Variants in ARHGEF37 observed in about 807,000 individuals in gnomAD.
ARHGEF37 encodes the protein Rho guanine nucleotide exchange factor 37.
In ARHGEF37, 55 loss-of-function variants were observed where a neutral mutation model predicts 71.1. The ratio of observed to expected loss-of-function variants is 0.77; its 90% CI spans 0.62 to 0.97. The LOEUF (loss-of-function observed/expected upper bound fraction) is 0.97. Among genes scored for constraint, ARHGEF37 ranks in the 50% least tolerant of loss-of-function variants. The pLI, the probability that ARHGEF37 is intolerant of heterozygous loss-of-function variation, is 0.00. For synonymous variants in ARHGEF37, 327 were observed against 350.6 expected, an observed-to-expected ratio of 0.93 and a Z score of 0.75; for missense variants, 765 against 836.8, an observed-to-expected ratio of 0.91 and a Z score of 1.06.
intron 1 of ARHGEF37, among the ~76,000 whole-genome samples, chr5:149,570,561 T>C (rs1762950923): frequency 1.6e-5 from 2 of 124,036 alleles, no homozygotes; most frequent in Non-Finnish European, 1.7e-5. Flanking sequence ...GGACAACAAG[T>C]GCGAAACTCC....
chr5:149,606,903 C>CTTTATT (rs1763928578), intron 3 of ARHGEF37, among the ~76,000 whole-genome samples: 1 of 152,040 alleles, frequency 6.6e-6, no homozygotes, highest in African/African-American at 2.4e-5. Context: ...ATTTCCTCTA[C>CTTTATT]TTTATTTTTA....
intron 5 of ARHGEF37, 37 bp from the exon 6 acceptor site, chr5:149,618,139 T>C: frequency 6.2e-7 from 1 of 1,612,082 alleles, no homozygotes; most frequent in Non-Finnish European, 8.5e-7. Context: ...CTGAGTTGGC[T>C]TGATCACCGT....
intron 1 of ARHGEF37, among the ~76,000 whole-genome samples, chr5:149,552,997 A>G (rs1297109375): frequency 2.0e-5 from 3 of 152,140 alleles, no homozygotes; most frequent in Admixed American, 6.5e-5. Context: ...TTAAAGCCCA[A>G]CCAACACTCA....
intron 1 of ARHGEF37, among the ~76,000 whole-genome samples, chr5:149,591,765 C>G (rs145080175): frequency 6.6e-6 from 1 of 152,250 alleles, no homozygotes; most frequent in African/African-American, 2.4e-5. Context: ...ATTAATTACT[C>G]TAGATATTGA....
In ARHGEF37 at chr5:149,601,216, C is replaced by A. The variant is rs1011002054; in HGVS notation, c.295C>A (p.Gln99Lys). Reference protein sequence around the residue: ...LQETASKEEEQVQLVGNIFLE... With the variant: ...LQETASKEEEKVQLVGNIFLE... ...GGAGACAGCCTCCAAGGAAGAGGAA[C>A]AAGTGCAGCTAGTTGGTAAGCAAAA... Residue 99 changes from glutamine to lysine, a missense_variant, in exon 3 of 13, where the codon CAA becomes AAA. By Grantham distance (53) the Gln-to-Lys change is moderately conservative. Coordinates refer to ENST00000333677, the MANE Select transcript of ARHGEF37 (RefSeq NM_001001669.3). 6.2e-7 allele frequency: 1 copy of A among 1,612,084 alleles called. No individual in the cohort carries two copies. The highest frequency in any genetic ancestry group is 8.5e-7 in the Non-Finnish European group (1 of 1,178,596).
chr5:149,627,655 G>A (rs1166298069), intron 11 of ARHGEF37, among the ~76,000 whole-genome samples: 1 of 152,184 alleles, frequency 6.6e-6, no homozygotes, highest in East Asian at 1.9e-4. Flanking sequence ...CCTGGACCCT[G>A]GCTACACCGC....
In ARHGEF37 at chr5:149,609,599, A is replaced by G. The variant is rs1764017754; in HGVS notation, c.362A>G (p.Tyr121Cys). Reference sequence around the variant, plus strand: ...GAGTTGGAGCAAGTCTATAAGGTCTACTGTGCCAGCTACGACCAGGCCTTG... The same window carrying G: ...GAGTTGGAGCAAGTCTATAAGGTCTGCTGTGCCAGCTACGACCAGGCCTTG... Reference protein sequence around the residue: ...QEELEQVYKVYCASYDQALLL... With the variant: ...QEELEQVYKVCCASYDQALLL... Residue 121 changes from tyrosine (Y) to cysteine (C), a missense_variant, in exon 4 of 13, where the codon TAC becomes TGC. Transcript: ENST00000333677. 1 of 1,613,876 alleles carries G rather than the reference A, an allele frequency of 6.2e-7. No individual in the cohort carries two copies. Among genetic ancestry groups the G allele is most frequent in the South Asian group, 1.1e-5 (1 of 91,076 alleles).
intron 4 of ARHGEF37, among the ~76,000 whole-genome samples, 161 bp from the exon 5 acceptor site, chr5:149,616,406 G>A (rs555346232): frequency 5.9e-5 from 9 of 152,294 alleles, no homozygotes; most frequent in African/African-American, 2.2e-4. Context: ...CTAACATCTA[G>A]AACTCACAAG....
chr5:149,600,978 T>G (rs1763737705), intron 2 of ARHGEF37, 130 bp from the exon 3 acceptor site: 16 of 1,125,542 alleles, frequency 1.4e-5, no homozygotes, highest in Non-Finnish European at 1.7e-5. Context: ...CCTTGCAAAA[T>G]TCCACTGGGG....
intron 1 of ARHGEF37, among the ~76,000 whole-genome samples, chr5:149,592,823 G>A (rs781268637): frequency 1.2e-4 from 18 of 152,300 alleles, no homozygotes; most frequent in Admixed American, 1.1e-3. Flanking sequence ...AGGCTGGAGT[G>A]CAGTGGCACG....
chr5:149,619,187 G>T, intron 7 of ARHGEF37, 145 bp downstream of exon 7: 1 of 697,602 alleles, frequency 1.4e-6, no homozygotes. Context: ...CTCTTCTGGA[G>T]AATGCTGGCC....
chr5:149,623,870 G>T (rs966279543), intron 9 of ARHGEF37, 142 bp from the exon 10 acceptor site: 9 of 1,135,246 alleles, frequency 7.9e-6, no homozygotes, highest in Non-Finnish European at 1.1e-5. Context: ...GAAAATGCAA[G>T]AGATCCTGCA....
chr5:149,603,308 T>C (rs1763816436), intron 3 of ARHGEF37, among the ~76,000 whole-genome samples: 1 of 152,206 alleles, frequency 6.6e-6, no homozygotes, highest in South Asian at 2.1e-4. Context: ...TATGTACATA[T>C]ATTAATTCAC....
intron 1 of ARHGEF37, among the ~76,000 whole-genome samples, chr5:149,589,815 G>A (rs992537467): frequency 1.5e-4 from 22 of 151,714 alleles, no homozygotes; most frequent in African/African-American, 4.8e-4. Context: ...CACCATGCCC[G>A]GCCGCCTGGC....
chr5:149,584,873 T>G (rs187995030), intron 1 of ARHGEF37, among the ~76,000 whole-genome samples: 23 of 152,222 alleles, frequency 1.5e-4, no homozygotes, highest in Non-Finnish European at 3.1e-4. Flanking sequence ...CTGCCTGCCT[T>G]GGCCTCCCAA....
rs146588244 is a variant in ARHGEF37, at chr5:149,552,447, T to C, written c.-12+324T>C. Among the ~76,000 whole-genome samples, 856 of 152,300 alleles carry C rather than the reference T, an allele frequency of 5.6e-3. 12 individuals carry two copies. The highest frequency in any genetic ancestry group is 0.019 in the African/African-American group (796 of 41,548). ...AAAATTGGGCTTAGTAATAATAATG[T>C]TCACGAAAGAAAACTCCATGGTTGA... On this transcript the variant is annotated intron_variant, in intron 1 of 2. Coordinates refer to the ARHGEF37 transcript ENST00000505810.
chr5:149,565,226 C>T (rs889986273), intron 1 of ARHGEF37, among the ~76,000 whole-genome samples: 1 of 152,200 alleles, frequency 6.6e-6, no homozygotes, highest in Non-Finnish European at 1.5e-5. Context: ...GCACCCTGTT[C>T]TTCCTTCTAG....
At chr5:149,566,855 T>C (rs1175920200) in intron 1 of ARHGEF37, among the ~76,000 whole-genome samples, 1 of 152,206 alleles carries the variant, frequency 6.6e-6, no homozygotes, top group East Asian at 1.9e-4. Context: ...TGTGTGTACA[T>C]ATATCTCTTC....
intron 1 of ARHGEF37, among the ~76,000 whole-genome samples, chr5:149,553,355 G>A (rs1022748734): frequency 2.6e-5 from 4 of 151,694 alleles, no homozygotes; most frequent in African/African-American, 7.3e-5. Flanking sequence ...AGCCGAGATC[G>A]TGCCACTGCA....
Sources: allele counts gnomAD v4.1 joint callset (sites outside exome capture counted in the v4.1 genomes callset), GRCh38; gene constraint gnomAD v4.1.1; transcripts MANE v1.5; gene names NCBI Gene and HGNC (gene_info 2026-07-23, HGNC 2026-07-21).